The following PLEKHA7 variants were observed in gnomAD, a reference collection of about 807,000 sequenced individuals.
PLEKHA7 encodes the protein pleckstrin homology domain-containing family A member 7.
In PLEKHA7, 104 loss-of-function variants were observed where a neutral mutation model predicts 170.0. The observed-to-expected ratio is 0.61, with a 90% CI of 0.52 to 0.72. PLEKHA7 has a LOEUF of 0.72. Ranked by LOEUF, PLEKHA7 falls within the 30% of genes least tolerant of loss-of-function variation. The pLI is 0.00. For synonymous variants in PLEKHA7, 648 were observed against 660.8 expected (o/e 0.98, Z 0.30); for missense variants, 1,615 against 1,671.7 (o/e 0.97, Z 0.59).
intron 3 of PLEKHA7, among the ~76,000 whole-genome samples, chr11:16,918,351 C>T (rs745747204): frequency 5.9e-5 from 9 of 152,206 alleles, no homozygotes; most frequent in African/African-American, 2.2e-4. Context: ...CAAATCCCAA[C>T]AGGAGTCAGA....
chr11:16,931,766 CCAA>C (rs1565129088), intron 3 of PLEKHA7, among the ~76,000 whole-genome samples: 15 of 137,124 alleles, frequency 1.1e-4, no homozygotes, highest in African/African-American at 8.4e-5. Context: ...CCCCCCCCCC[CCAA>C]AAAAAAAAAA....
At chr11:16,931,450 C>T (rs1859915342) in intron 3 of PLEKHA7, among the ~76,000 whole-genome samples, 1 of 152,134 alleles carries the variant, frequency 6.6e-6, no homozygotes, top group Non-Finnish European at 1.5e-5. Flanking sequence ...AGGCCAGGTA[C>T]AGTGGCTCAC....
intron 10 of PLEKHA7, among the ~76,000 whole-genome samples, chr11:16,819,062 C>CA (rs1195637600): frequency 6.6e-6 from 1 of 151,678 alleles, no homozygotes; most frequent in Non-Finnish European, 1.5e-5. Context: ...CTCGGCCTCC[C>CA]AAAGTGTTGG....
chr11:16,909,096 G>C (rs934948846), intron 3 of PLEKHA7, among the ~76,000 whole-genome samples: 2 of 152,078 alleles, frequency 1.3e-5, no homozygotes, highest in Non-Finnish European at 2.9e-5. Context: ...AGAGTTTCTG[G>C]GTGGATTAAA....
At chr11:17,011,367 A>G (rs1003191814) in intron 3 of PLEKHA7, among the ~76,000 whole-genome samples, 10 of 151,766 alleles carry the variant, frequency 6.6e-5, no homozygotes, top group African/African-American at 2.4e-4. Context: ...GATCATTCCC[A>G]TCAAAACAAA....
chr11:17,014,272 C>G, intron 1 of PLEKHA7, 44 bp downstream of exon 1: 1 of 1,395,554 alleles, frequency 7.2e-7, no homozygotes, highest in Non-Finnish European at 9.3e-7. Flanking sequence ...CCCGCCCCCG[C>G]GCCCCCACCC....
chr11:17,001,023 T>C (rs1247305806), intron 3 of PLEKHA7, among the ~76,000 whole-genome samples: 2 of 152,188 alleles, frequency 1.3e-5, no homozygotes, highest in African/African-American at 4.8e-5. Context: ...ACAGGTACCA[T>C]GGCCCTCACC....
At chr11:16,818,818 T>A (rs1385447429) in intron 10 of PLEKHA7, among the ~76,000 whole-genome samples, 1 of 152,218 alleles carries the variant, frequency 6.6e-6, no homozygotes, top group Non-Finnish European at 1.5e-5. Flanking sequence ...TTTTTTTCTT[T>A]TTTGAGACAG....
intron 3 of PLEKHA7, among the ~76,000 whole-genome samples, chr11:16,932,967 G>A (rs2136338291): frequency 6.6e-6 from 1 of 152,306 alleles, no homozygotes; most frequent in African/African-American, 2.4e-5. Flanking sequence ...ATAATACCTA[G>A]TAGGAATTTG....
chr11:17,010,594 A>T (rs1290602183), intron 3 of PLEKHA7, among the ~76,000 whole-genome samples: 3 of 152,166 alleles, frequency 2.0e-5, no homozygotes, highest in Non-Finnish European at 4.4e-5. Context: ...AGACAGAGGA[A>T]GATTCTGTTT....
chr11:17,007,183 G>A (rs896590888), intron 3 of PLEKHA7, among the ~76,000 whole-genome samples: 2 of 152,196 alleles, frequency 1.3e-5, no homozygotes, highest in African/African-American at 4.8e-5. Context: ...GGGCATGGTG[G>A]TGGCAACTCC....
At chr11:16,907,160 T>G (rs1383034618) in intron 3 of PLEKHA7, among the ~76,000 whole-genome samples, 8 of 82,254 alleles carry the variant, frequency 9.7e-5, no homozygotes, top group Admixed American at 2.7e-4. Flanking sequence ...GGAAGGGAGG[T>G]GGGGGGGTTA....
chr11:16,829,592 A>G (rs936210607), intron 9 of PLEKHA7, among the ~76,000 whole-genome samples: 1 of 152,180 alleles, frequency 6.6e-6, no homozygotes, highest in Non-Finnish European at 1.5e-5. Context: ...CCCGACCAAC[A>G]TGGTGAAACC....
intron 24 of PLEKHA7, among the ~76,000 whole-genome samples, 153 bp downstream of exon 24, chr11:16,786,076 T>G (rs1285096925): frequency 1.3e-5 from 2 of 152,210 alleles, no homozygotes; most frequent in Non-Finnish European, 2.9e-5. Flanking sequence ...CTCCTTTCAT[T>G]GCCTTAAGCT....
At chr11:16,879,572 C>T (rs914210344) in intron 3 of PLEKHA7, among the ~76,000 whole-genome samples, 4 of 152,080 alleles carry the variant, frequency 2.6e-5, no homozygotes, top group East Asian at 1.9e-4. Context: ...ATGTGGGCAG[C>T]GACATGGAAA....
chr11:16,869,620 G>A (rs763152417), intron 4 of PLEKHA7, among the ~76,000 whole-genome samples: 12 of 152,328 alleles, frequency 7.9e-5, no homozygotes, highest in South Asian at 2.1e-4. Flanking sequence ...ATACTATAAA[G>A]ATGAAATGGT....
At chr11:16,938,591 AT>A (rs1209486396) in intron 3 of PLEKHA7, among the ~76,000 whole-genome samples, 5 of 152,152 alleles carry the variant, frequency 3.3e-5, no homozygotes, top group Non-Finnish European at 4.4e-5. Context: ...TGATATATAC[AT>A]AAAAATCCTT....
At chr11:16,781,634 C>G (rs1385320573) in intron 26 of PLEKHA7, among the ~76,000 whole-genome samples, 2 of 152,188 alleles carry the variant, frequency 1.3e-5, no homozygotes, top group African/African-American at 4.8e-5. Context: ...GCCAAGATTT[C>G]AAGGACTCTG....
intron 3 of PLEKHA7, among the ~76,000 whole-genome samples, chr11:16,972,808 C>T (rs1019366054): frequency 6.6e-6 from 1 of 152,142 alleles, no homozygotes; most frequent in Non-Finnish European, 1.5e-5. Flanking sequence ...CAATTACACA[C>T]GTGCTGTGAC....
Sources: allele counts gnomAD v4.1 joint callset (sites outside exome capture counted in the v4.1 genomes callset), GRCh38; gene constraint gnomAD v4.1.1; transcripts MANE v1.5; gene names NCBI Gene and HGNC (gene_info 2026-07-23, HGNC 2026-07-21).